The following ABCC4 variants were observed in gnomAD, a reference collection of about 807,000 sequenced individuals.
ABCC4 encodes ATP binding cassette subfamily C member 4 (PEL blood group), also known as ATP-binding cassette sub-family C member 4.
Under a neutral mutation model 168.5 loss-of-function variants are expected in ABCC4, and 102 were observed. That is an observed-to-expected ratio of 0.61 (90% confidence interval 0.52 to 0.71). ABCC4 has a LOEUF of 0.71. Among genes scored for constraint, ABCC4 ranks in the 30% least tolerant of loss-of-function variants. The probability of loss-of-function intolerance (pLI) is 0.00; values close to 1 mark genes in which losing one functional copy is unlikely to be tolerated. For synonymous variants in ABCC4, 617 were observed against 590.7 expected (o/e 1.04, Z -0.65); for missense variants, 1,402 against 1,605.8 (o/e 0.87, Z 2.17).
intron 7 of ABCC4, 25 bp downstream of exon 7, chr13:95,207,775 T>A: frequency 6.3e-7 from 1 of 1,592,734 alleles, no homozygotes; most frequent in Non-Finnish European, 8.5e-7. Flanking sequence ...TACAAAAATA[T>A]GGTACAATGT....
intron 20 of ABCC4, among the ~76,000 whole-genome samples, chr13:95,099,813 AG>A (rs1371461031): frequency 6.6e-6 from 1 of 152,216 alleles, no homozygotes; most frequent in Non-Finnish European, 1.5e-5. Flanking sequence ...CAATGAACCC[AG>A]GGAAAGGGCT....
Position 95,281,297 on chromosome 13 carries a change from C to T in ABCC4, c.74+19944G>A, listed in dbSNP as rs1170913418. Among the ~76,000 whole-genome samples, 6 of 68,304 alleles carry T rather than the reference C, an allele frequency of 8.8e-5. No homozygotes were observed. In the East Asian group the frequency reaches 2.1e-3, roughly 24 times the overall value. The allele number at this position is 68,304 out of a possible 152,430, so 44.8% of individuals were successfully genotyped here. ...TGCACTCCTGGGCGACAGAGACTCT[C>T]TCAAAAAAAAAAAAAAAAAAAAAAA... On this transcript the variant is annotated intron_variant, in intron 1 of 30. Transcript: ENST00000645237.
intron 4 of ABCC4, among the ~76,000 whole-genome samples, chr13:95,225,153 TCACA>T (rs61398515): frequency 0.081 from 2,830 of 34,840 alleles, 52 homozygotes; most frequent in South Asian, 0.24. Flanking sequence ...TCTCTCTCTC[TCACA>T]CACACACACA....
chr13:95,263,709 G>A (rs1024140430), intron 1 of ABCC4, among the ~76,000 whole-genome samples: 1 of 152,000 alleles, frequency 6.6e-6, no homozygotes, highest in Non-Finnish European at 1.5e-5. Context: ...TGTAATCCTA[G>A]CTACTTGTGA....
intron 2 of ABCC4, 108 bp from the exon 3 acceptor site, chr13:95,247,203 G>A (rs181585929): frequency 4.8e-6 from 6 of 1,261,608 alleles, no homozygotes; most frequent in Admixed American, 2.3e-5. Context: ...ATTTTGTGAC[G>A]ATTTCATAAA....
intron 13 of ABCC4, among the ~76,000 whole-genome samples, chr13:95,177,250 G>A (rs906917970): frequency 1.3e-5 from 2 of 152,196 alleles, no homozygotes; most frequent in African/African-American, 4.8e-5. Context: ...AAAGCCCTAT[G>A]TTGGTCCCAA....
At chr13:95,032,965 CTTTT>C (rs74329595) in intron 30 of ABCC4, among the ~76,000 whole-genome samples, 44 of 86,256 alleles carry the variant, frequency 5.1e-4, no homozygotes, top group Non-Finnish European at 7.9e-4. Context: ...CACGCCTGGT[CTTTT>C]TTTTTTTTTT....
rs141747066 is a variant in ABCC4 at position 95,191,892 on chromosome 13, C to T, written c.1263+2944G>A. On this transcript the variant is annotated intron_variant, in intron 9 of 30. Transcript: ENST00000645237. ...TGGTTCTTAGAGCAGGTTTCTGCCC[C>T]GCCGGGAGGCCTGGGACCCAGCACT... 7.3e-3 allele frequency among the ~76,000 whole-genome samples: 1,107 copies of T among 152,328 alleles called. 6 individuals carry two copies. Among genetic ancestry groups the T allele is most frequent in the Middle Eastern group, 0.014 (4 of 294 alleles).
chr13:95,041,260 A>T (rs941257288), intron 29 of ABCC4, among the ~76,000 whole-genome samples: 1 of 152,248 alleles, frequency 6.6e-6, no homozygotes, highest in Non-Finnish European at 1.5e-5. Flanking sequence ...ATAAAATAAA[A>T]TTCTAAGCTT....
intron 4 of ABCC4, among the ~76,000 whole-genome samples, chr13:95,217,833 C>G (rs912991636): frequency 6.6e-6 from 1 of 152,136 alleles, no homozygotes; most frequent in Non-Finnish European, 1.5e-5. Context: ...GTGTCAATGA[C>G]CCGGGGTGGA....
At chr13:95,063,763 G>A (rs1258255984) in intron 25 of ABCC4, among the ~76,000 whole-genome samples, 2 of 152,148 alleles carry the variant, frequency 1.3e-5, no homozygotes, top group Non-Finnish European at 2.9e-5. Flanking sequence ...AAAAGGTGGG[G>A]GCAATACGTC....
intron 30 of ABCC4, among the ~76,000 whole-genome samples, chr13:95,029,960 T>C (rs1016476655): frequency 3.3e-5 from 5 of 150,934 alleles, no homozygotes; most frequent in African/African-American, 1.2e-4. Context: ...GCTCCTAGGA[T>C]CCAGGATGTC....
At chr13:95,096,061 A>G in intron 20 of ABCC4, 1 of 431,316 alleles carries the variant, frequency 2.3e-6, no homozygotes, top group South Asian at 6.7e-5. Context: ...AACAACATTT[A>G]GCCAGGTACA....
chr13:95,084,634 CA>C (rs761948364), intron 20 of ABCC4, among the ~76,000 whole-genome samples: 1 of 151,986 alleles, frequency 6.6e-6, no homozygotes, highest in South Asian at 2.1e-4. Context: ...AAATGTCTAA[CA>C]GGGTTTTTTT....
intron 13 of ABCC4, among the ~76,000 whole-genome samples, chr13:95,176,824 G>A (rs2037720312): frequency 6.6e-6 from 1 of 152,232 alleles, no homozygotes; most frequent in Non-Finnish European, 1.5e-5. Context: ...CTGTGGGGCA[G>A]ATGTGAGTGC....
intron 26 of ABCC4, among the ~76,000 whole-genome samples, chr13:95,056,319 A>T: frequency 6.6e-6 from 1 of 152,252 alleles, no homozygotes; most frequent in Admixed American, 6.5e-5. Context: ...CCCTGTGTCA[A>T]GAATCAGGGA....
chr13:95,233,517 C>T (rs1020076437), intron 4 of ABCC4, among the ~76,000 whole-genome samples: 1 of 151,962 alleles, frequency 6.6e-6, no homozygotes, highest in African/African-American at 2.4e-5. Context: ...AGAGGGAATG[C>T]GGCAAGGGCT....
intron 19 of ABCC4, among the ~76,000 whole-genome samples, chr13:95,158,337 G>A (rs1002629256): frequency 2.6e-5 from 4 of 152,058 alleles, no homozygotes; most frequent in Non-Finnish European, 5.9e-5. Context: ...TAATGGAGAA[G>A]ACATTTCTAT....
chr13:95,292,200 A>T (rs889953741), intron 1 of ABCC4, among the ~76,000 whole-genome samples: 2 of 152,088 alleles, frequency 1.3e-5, no homozygotes, highest in African/African-American at 4.8e-5. Context: ...TCTACAAAAA[A>T]TATAAAAAAT....
Sources: gnomAD v4.1 joint callset for allele counts (sites outside exome capture counted in the v4.1 genomes callset) on GRCh38, gnomAD v4.1.1 for gene constraint, MANE v1.5 for transcripts, NCBI Gene and HGNC (gene_info 2026-07-23, HGNC 2026-07-21) for gene names.